The following ARSG variants were observed in gnomAD, a reference collection of about 807,000 sequenced individuals.
ARSG encodes arylsulfatase G.
In ARSG, 37 loss-of-function variants were observed where a neutral mutation model predicts 50.5. The ratio of observed to expected loss-of-function variants is 0.73; its 90% CI spans 0.56 to 0.96. ARSG has a LOEUF of 0.96. Ranked by LOEUF, ARSG falls within the 50% of genes least tolerant of loss-of-function variation. The pLI, the probability that ARSG is intolerant of heterozygous loss-of-function variation, is 0.00. For synonymous variants in ARSG, 225 were observed against 254.6 expected, an observed-to-expected ratio of 0.88 and a Z score of 1.11; for missense variants, 629 against 675.3, an observed-to-expected ratio of 0.93 and a Z score of 0.76.
chr17:68,298,409 G>A (rs2145402426), intron 1 of ARSG, among the ~76,000 whole-genome samples: 1 of 151,858 alleles, frequency 6.6e-6, no homozygotes, highest in African/African-American at 2.4e-5. Context: ...TTCAAGACCA[G>A]TCTGGTGAAA....
chr17:68,403,600 G>A (rs529326214), intron 11 of ARSG, among the ~76,000 whole-genome samples: 6 of 152,224 alleles, frequency 3.9e-5, no homozygotes, highest in African/African-American at 9.6e-5. Flanking sequence ...AGATGTGTTC[G>A]TCTATGATGA....
At chr17:68,349,531 G>C (rs1042672899) in intron 4 of ARSG, among the ~76,000 whole-genome samples, 27 of 152,088 alleles carry the variant, frequency 1.8e-4, no homozygotes, top group African/African-American at 6.3e-4. Context: ...GTGTACCTAG[G>C]GGGTAGCTAA....
intron 1 of ARSG, among the ~76,000 whole-genome samples, chr17:68,260,139 C>T (rs1555744953): frequency 6.6e-6 from 1 of 152,140 alleles, no homozygotes; most frequent in African/African-American, 2.4e-5. Context: ...AAAGCAGAGT[C>T]GTAAAGCATT....
chr17:68,373,857 G>A (rs1396255052), intron 8 of ARSG, among the ~76,000 whole-genome samples: 3 of 151,914 alleles, frequency 2.0e-5, no homozygotes, highest in Non-Finnish European at 4.4e-5. Flanking sequence ...GGATGGGGGT[G>A]TGTCAAGAAA....
chr17:68,420,025 A>C (rs1484035884), intron 11 of ARSG, among the ~76,000 whole-genome samples, 164 bp from the exon 12 acceptor site: 1 of 152,190 alleles, frequency 6.6e-6, no homozygotes. Flanking sequence ...TGGAAGGAGC[A>C]AATAGATTCT....
At chr17:68,357,466 C>T (rs1313106394) in intron 6 of ARSG, among the ~76,000 whole-genome samples, 1 of 152,168 alleles carries the variant, frequency 6.6e-6, no homozygotes, top group Non-Finnish European at 1.5e-5. Flanking sequence ...CTTACGATAG[C>T]ACTTGTGATG....
chr17:68,426,233 C>T, downstream of ARSG: 1 of 754,004 alleles, frequency 1.3e-6, no homozygotes, highest in Non-Finnish European at 1.9e-6. Flanking sequence ...TATGCCATGA[C>T]CTGGCGGGTG....
At chr17:68,361,005 A>G (rs2079258217) in intron 6 of ARSG, among the ~76,000 whole-genome samples, 1 of 152,056 alleles carries the variant, frequency 6.6e-6, no homozygotes, top group Admixed American at 6.6e-5. Context: ...TTGTATTTTT[A>G]GTAGAGACGG....
chr17:68,316,651 A>G (rs2077080480), intron 2 of ARSG, among the ~76,000 whole-genome samples: 1 of 152,218 alleles, frequency 6.6e-6, no homozygotes, highest in South Asian at 2.1e-4. Context: ...TATCTCTGCA[A>G]TGGGAAAATA....
chr17:68,303,215 C>G (rs570161227), intron 1 of ARSG, among the ~76,000 whole-genome samples: 1 of 152,174 alleles, frequency 6.6e-6, no homozygotes, highest in Non-Finnish European at 1.5e-5. Flanking sequence ...GCCTTGAACT[C>G]CTGGGCTCCA....
At chr17:68,297,950 G>C (rs1448718824) in intron 1 of ARSG, among the ~76,000 whole-genome samples, 6 of 147,080 alleles carry the variant, frequency 4.1e-5, no homozygotes, top group East Asian at 4.0e-4. Context: ...GTTTGGGGTT[G>C]AGAAAGTTTA....
At chr17:68,403,040 A>T (rs1372528517) in intron 11 of ARSG, among the ~76,000 whole-genome samples, 1 of 152,240 alleles carries the variant, frequency 6.6e-6, no homozygotes, top group African/African-American at 2.4e-5. Context: ...TGATAAAAAA[A>T]TTATTTTCCC....
chr17:68,405,821 G>A (rs1393872654), intron 11 of ARSG, among the ~76,000 whole-genome samples: 1 of 152,052 alleles, frequency 6.6e-6, no homozygotes, highest in African/African-American at 2.4e-5. Flanking sequence ...TATGATATTA[G>A]TACAACCACT....
rs137940805 is a variant in ARSG at position 68,405,187 on chromosome 17, C to A, written c.1303+3737C>A. 3.1e-3 allele frequency among the ~76,000 whole-genome samples: 395 copies of A among 127,100 alleles called. 1 individual carries two copies. Among genetic ancestry groups the A allele is most frequent in the Non-Finnish European group, 2.5e-3 (159 of 62,844 alleles). 83.4% of individuals were successfully genotyped at this position (127,100 alleles called of 152,430 possible). On this transcript the variant is annotated intron_variant, in intron 11 of 11. Coordinates refer to ENST00000621439, the MANE Select transcript of ARSG (RefSeq NM_001267727.2). The stretch of plus-strand genomic sequence containing the variant: ...GACTATTTCTGGGTCCTCTGAGATT[C>A]CATGTGAATTTTAGGATGGCTTTTT...
chr17:68,297,813 AT>A (rs1375931683), intron 1 of ARSG, among the ~76,000 whole-genome samples: 2 of 152,072 alleles, frequency 1.3e-5, no homozygotes, highest in Non-Finnish European at 2.9e-5. Flanking sequence ...TGCATAGCAC[AT>A]TTTTAGTGTG....
chr17:68,327,278 C>T lies in ARSG; in HGVS notation c.219-16326C>T, dbSNP rs556650197. Among the ~76,000 whole-genome samples the T allele has an allele frequency of 5.3e-5, 8 of 152,224 alleles. No homozygotes were observed. The East Asian group carries it at 1.5e-3, about 29-fold the overall frequency. On this transcript the variant is annotated intron_variant, in intron 2 of 11. Coordinates refer to ENST00000621439, the MANE Select transcript of ARSG (RefSeq NM_001267727.2). ...CCCTGGAGACACGCAGGGAGGTGTA[C>T]TCGTTTTGAGGCCTGCTGTAACACA...
At chr17:68,364,255 C>T (rs1451783735) in intron 6 of ARSG, among the ~76,000 whole-genome samples, 1 of 152,100 alleles carries the variant, frequency 6.6e-6, no homozygotes, top group African/African-American at 2.4e-5. Context: ...ACTTGTTTTC[C>T]CACAAAAATA....
At position 68,301,781 on chromosome 17, in the gene ARSG, C is replaced by T. The variant is rs7208682; in HGVS notation, c.-551-5162C>T. Among the ~76,000 whole-genome samples, 956 of 152,176 alleles carry T rather than the reference C, an allele frequency of 6.3e-3. 9 individuals carry two copies. The highest frequency in any genetic ancestry group is 0.017 in the Middle Eastern group (5 of 294). On this transcript the variant is annotated intron_variant, in intron 1 of 11. Coordinates refer to ENST00000621439, the MANE Select transcript of ARSG (RefSeq NM_001267727.2). ...ATTGCTTCTGCAGTGGCTTCTTTGC[C>T]GCTCCTTGCTTGTGCCAGACCTCAG...
the ARSG span, among the ~76,000 whole-genome samples, chr17:68,437,346 G>A: frequency 6.6e-6 from 1 of 152,092 alleles, no homozygotes; most frequent in Admixed American, 6.6e-5. Flanking sequence ...CCTGAGGTCA[G>A]GAGTTCGAGA....
Sources: gnomAD v4.1 joint callset for allele counts (sites outside exome capture counted in the v4.1 genomes callset) on GRCh38, gnomAD v4.1.1 for gene constraint, MANE v1.5 for transcripts, NCBI Gene and HGNC (gene_info 2026-07-23, HGNC 2026-07-21) for gene names.